DHRS1: variants seen among roughly 807,000 people sequenced by gnomAD.
The protein encoded by DHRS1 is dehydrogenase/reductase 1, also known as dehydrogenase/reductase SDR family member 1.
In DHRS1, 34 loss-of-function variants were observed where a neutral mutation model predicts 35.2. The observed-to-expected ratio is 0.97, with a 90% CI of 0.74 to 1.29. The LOEUF (loss-of-function observed/expected upper bound fraction) is 1.29. DHRS1 is among the 50% of genes most tolerant of loss of function. The pLI, the probability that DHRS1 is intolerant of heterozygous loss-of-function variation, is 0.00. For missense variants in DHRS1, 354 were observed against 403.6 expected, an observed-to-expected ratio of 0.88 and a Z score of 1.05; for synonymous variants, 133 against 160.0, an observed-to-expected ratio of 0.83 and a Z score of 1.27.
intron 3 of DHRS1, 47 bp downstream of exon 3, chr14:24,296,691 A>T: frequency 6.2e-7 from 1 of 1,613,828 alleles, no homozygotes; most frequent in East Asian, 2.2e-5. Flanking sequence ...CAGGGGTCTG[A>T]GGGGGAGGTC....
At chr14:24,296,408 G>C in intron 4 of DHRS1, 101 bp downstream of exon 4, 2 of 1,133,598 alleles carry the variant, frequency 1.8e-6, no homozygotes, top group South Asian at 2.6e-5. Flanking sequence ...AAAGAGATGG[G>C]GGAGGCCGGA....
chr14:24,293,911 A>T lies in DHRS1; in HGVS notation c.375-1127T>A, dbSNP rs1311867319. 2.0e-5 allele frequency: 3 copies of T among 152,392 alleles called. No homozygotes were observed. In the East Asian group the frequency reaches 5.8e-4, roughly 29 times the overall value. The allele number at this position is 152,392 out of a possible 1,614,324, so 9.4% of individuals were successfully genotyped here. On this transcript the variant is annotated intron_variant, in intron 4 of 8. Coordinates refer to ENST00000288111, the MANE Select transcript of DHRS1 (RefSeq NM_001136050.3). ...GTGTTAACAGTAGACTGATAAGTCAATGAAACAAAACAGAGAATAATTAGA... is the reference window on the plus strand; with the variant it reads ...GTGTTAACAGTAGACTGATAAGTCATTGAAACAAAACAGAGAATAATTAGA...
At position 24,298,972 on chromosome 14, in the gene DHRS1, G is replaced by A. The variant is rs1433868391; in HGVS notation, c.135C>T (p.Arg45=). ...YITGRHLDTL[R]VVAQEAQSLG... is the part of the protein sequence containing the mutation. Reference sequence around the variant, plus strand: ...AAGCACTCACCTCCTGAGCAACAACGCGAAGGGTGTCCAGATGGCGGCCAG... The same window carrying A: ...AAGCACTCACCTCCTGAGCAACAACACGAAGGGTGTCCAGATGGCGGCCAG... The change falls in exon 2 of 9, where the codon CGC becomes CGT. Residue 45 remains arginine (R), a synonymous_variant. Transcript: ENST00000288111. 1 of 1,611,670 alleles carries A rather than the reference G, an allele frequency of 6.2e-7. No homozygotes were observed. The highest frequency in any genetic ancestry group is 8.5e-7 in the Non-Finnish European group (1 of 1,178,076).
chr14:24,295,912 T>C (rs1475147538), intron 4 of DHRS1, among the ~76,000 whole-genome samples: 1 of 152,196 alleles, frequency 6.6e-6, no homozygotes, highest in African/African-American at 2.4e-5. Flanking sequence ...ATGACTTGAT[T>C]ATATGAGAGT....
In DHRS1 at chr14:24,290,942, C is replaced by T. The variant is rs778570755; in HGVS notation, c.859G>A (p.Gly287Ser). The change falls in exon 9 of 9, where the codon GGC becomes AGC. Residue 287 changes from glycine to serine, a missense_variant. Coordinates refer to ENST00000288111, the MANE Select transcript of DHRS1 (RefSeq NM_001136050.3). Reference protein sequence around the residue: ...SLSSVLSHVSGLGWLASYLPS... With the variant: ...SLSSVLSHVSSLGWLASYLPS... ...AGGTAGGAGGCCAGCCAGCCCAGGC[C>T]GGACACGTGTGAGAGAACAGAGCTC... 1.9e-5 allele frequency: 31 copies of T among 1,613,862 alleles called. No homozygotes were observed. The highest frequency in any genetic ancestry group is 8.9e-5 in the East Asian group (4 of 44,870).
rs536405073 is a variant in DHRS1, at chr14:24,297,011, A to G, written c.151-130T>C. ...TAGGAGAGCCTGCTGCAGAGGCAAC[A>G]TGGCAGGCAACGCTGCCCTCTGGTG... is the stretch of plus-strand genomic sequence containing the variant. On this transcript the variant is annotated intron_variant, in intron 2 of 8. Coordinates refer to ENST00000288111, the MANE Select transcript of DHRS1 (RefSeq NM_001136050.3). The G allele has an allele frequency of 3.9e-6, 5 of 1,272,060 alleles. No individual in the cohort carries two copies. In the African/African-American group the frequency reaches 4.4e-5, roughly 11 times the overall value. 78.8% of individuals were successfully genotyped at this position (1,272,060 alleles called of 1,614,324 possible).
At position 24,296,189 on chromosome 14, in the gene DHRS1, G is replaced by A. The variant is rs111738149; in HGVS notation, c.374+320C>T. Among the ~76,000 whole-genome samples, 967 of 152,302 alleles carry A rather than the reference G, an allele frequency of 6.3e-3. 7 individuals are homozygous for A. Among genetic ancestry groups the A allele is most frequent in the Non-Finnish European group, 6.7e-3 (456 of 68,030 alleles). Reference sequence around the variant, plus strand: ...ATTTCTCCCTCTAACCATTTTGAAAGTATAGACTACAGGCTGTGCGCATTA... The same window carrying A: ...ATTTCTCCCTCTAACCATTTTGAAAATATAGACTACAGGCTGTGCGCATTA... On this transcript the variant is annotated intron_variant, in intron 4 of 8. Coordinates refer to ENST00000288111, the MANE Select transcript of DHRS1 (RefSeq NM_001136050.3).
At chr14:24,296,360 C>G in intron 4 of DHRS1, 149 bp downstream of exon 4, 1 of 760,226 alleles carries the variant, frequency 1.3e-6, no homozygotes, top group Non-Finnish European at 2.2e-6. Context: ...TGGAACTTCT[C>G]CAGAGGTAAG....
Position 24,299,779 on chromosome 14 carries a change from C to G in DHRS1, c.-223G>C, listed in dbSNP as rs546567915. The G allele has an allele frequency of 8.9e-5, 66 of 738,560 alleles. 1 individual carries two copies. The highest frequency in any genetic ancestry group is 8.0e-4 in the Middle Eastern group (2 of 2,508). The allele number at this position is 738,560 out of a possible 1,614,324, so 45.8% of individuals were successfully genotyped here. ...AACCTGCGGATGGGGGCGGAGCGAT[C>G]TGGGTGACACACCCACCCCGCCCGG... On this transcript the variant is annotated 5_prime_UTR_variant, in exon 1 of 9. Transcript: ENST00000288111.
At chr14:24,298,292 T>G (rs914091838) in intron 2 of DHRS1, among the ~76,000 whole-genome samples, 4 of 152,222 alleles carry the variant, frequency 2.6e-5, no homozygotes, top group African/African-American at 7.2e-5. Context: ...CCTCAAGTGA[T>G]CTTGCTGCCT....
intron 6 of DHRS1, 113 bp downstream of exon 6, chr14:24,292,071 G>A: frequency 1.5e-6 from 2 of 1,331,288 alleles, no homozygotes; most frequent in Non-Finnish European, 2.1e-6. Context: ...CCCATGCTCA[G>A]CCCTGCACCT....
intron 6 of DHRS1, 195 bp from the exon 7 acceptor site, chr14:24,291,820 C>T: frequency 7.9e-6 from 5 of 635,454 alleles, no homozygotes; most frequent in Non-Finnish European, 1.4e-5. Flanking sequence ...GAGCCCTGTG[C>T]CCTGGCACCA....
At chr14:24,292,827 G>A (rs750446465) in intron 4 of DHRS1, 43 bp from the exon 5 acceptor site, 20 of 1,582,384 alleles carry the variant, frequency 1.3e-5, no homozygotes, top group Admixed American at 1.9e-5. Context: ...CCGTGTTAGT[G>A]CTGGCCTGGG....
chr14:24,291,391 G>A, intron 7 of DHRS1, 165 bp downstream of exon 7: 1 of 1,039,260 alleles, frequency 9.6e-7, no homozygotes, highest in South Asian at 1.3e-5. Context: ...TGCTCCTAAG[G>A]CTCTCAGACC....
At chr14:24,291,446 A>G (rs763350430) in intron 7 of DHRS1, 110 bp downstream of exon 7, 23 of 1,274,190 alleles carry the variant, frequency 1.8e-5, no homozygotes, top group Non-Finnish European at 2.5e-5. Context: ...AAGCAGAGAA[A>G]AGAATGACAT....
chr14:24,293,596 A>C (rs1356056701), intron 4 of DHRS1: 1 of 152,126 alleles, frequency 6.6e-6, no homozygotes, highest in Non-Finnish European at 1.5e-5. Flanking sequence ...AAATAAAAAG[A>C]AAGAGAACAG....
At chr14:24,291,753 G>T in intron 6 of DHRS1, 128 bp from the exon 7 acceptor site, 1 of 982,554 alleles carries the variant, frequency 1.0e-6, no homozygotes, top group Non-Finnish European at 1.6e-6. Context: ...CTCAAGCAGG[G>T]CCTGTAGGAC....
chr14:24,294,426 T>C (rs2041212628), intron 4 of DHRS1: 1 of 152,116 alleles, frequency 6.6e-6, no homozygotes, highest in African/African-American at 2.4e-5. Flanking sequence ...CGTTCTCTAC[T>C]AAAAATACAA....
intron 4 of DHRS1, among the ~76,000 whole-genome samples, chr14:24,295,191 T>G (rs2041229001): frequency 6.6e-6 from 1 of 152,186 alleles, no homozygotes; most frequent in Non-Finnish European, 1.5e-5. Context: ...GAATGAGAGA[T>G]ATTTACATGA....
Sources: gnomAD v4.1 joint callset for allele counts (sites outside exome capture counted in the v4.1 genomes callset) on GRCh38, gnomAD v4.1.1 for gene constraint, MANE v1.5 for transcripts, NCBI Gene and HGNC (gene_info 2026-07-23, HGNC 2026-07-21) for gene names.